The following PLXNA2 variants were observed in gnomAD, a reference collection of about 807,000 sequenced individuals.
The protein encoded by PLXNA2 is plexin-A2.
PLXNA2 carries 91 observed loss-of-function variants against 193.5 expected under a neutral mutation model. That is an observed-to-expected ratio of 0.47 (90% CI 0.40 to 0.56). The LOEUF is 0.56. PLXNA2 is among the 20% of genes least tolerant of loss of function. PLXNA2 has a pLI of 0.00. For missense variants in PLXNA2, 1,995 were observed against 2,503.2 expected (o/e 0.80, Z 4.33); for synonymous variants, 997 against 1,027.3 (o/e 0.97, Z 0.56).
chr1:208,193,178 C>G (rs528313003), intron 3 of PLXNA2, among the ~76,000 whole-genome samples: 1 of 152,314 alleles, frequency 6.6e-6, no homozygotes, highest in East Asian at 1.9e-4. Flanking sequence ...GAAACCCAGA[C>G]AGTCCTGGCA....
At chr1:208,179,446 G>A (rs1007066662) in intron 3 of PLXNA2, among the ~76,000 whole-genome samples, 9 of 152,096 alleles carry the variant, frequency 5.9e-5, no homozygotes, top group Non-Finnish European at 8.8e-5. Flanking sequence ...CCCTTCTGCC[G>A]GACCTGTCCT....
chr1:208,198,123 G>A (rs1467344795), intron 3 of PLXNA2, among the ~76,000 whole-genome samples: 1 of 152,130 alleles, frequency 6.6e-6, no homozygotes, highest in African/African-American at 2.4e-5. Flanking sequence ...AGAATCAAAG[G>A]CATCAGGCAT....
intron 12 of PLXNA2, among the ~76,000 whole-genome samples, chr1:208,070,707 T>C (rs1665949666): frequency 6.6e-6 from 1 of 152,232 alleles, no homozygotes; most frequent in Non-Finnish European, 1.5e-5. Flanking sequence ...TTATCAGACC[T>C]CATAGTGCTT....
chr1:208,149,014 A>C (rs1668677491), intron 3 of PLXNA2, among the ~76,000 whole-genome samples: 1 of 152,252 alleles, frequency 6.6e-6, no homozygotes, highest in Admixed American at 6.5e-5. Flanking sequence ...TTGAGCGCTC[A>C]ACATCACTCT....
Position 208,243,945 on chromosome 1 carries a change from T to A in PLXNA2, c.-383A>T, listed in dbSNP as rs1367906996. ...GGCACCCGGAGGCGCCGAGGGGGCG[T>A]GTGGGGGCGGCCGGCGGTGTCTCTC... On this transcript the variant is annotated 5_prime_UTR_variant, in exon 1 of 32. Transcript: ENST00000367033. The A allele has an allele frequency of 1.3e-5, 2 of 152,044 alleles. No homozygotes were observed. Among genetic ancestry groups the A allele is most frequent in the Non-Finnish European group, 2.9e-5 (2 of 68,114 alleles). 9.4% of individuals were successfully genotyped at this position (152,044 alleles called of 1,614,324 possible).
At chr1:208,118,462 A>G (rs1667705905) in intron 4 of PLXNA2, among the ~76,000 whole-genome samples, 1 of 152,218 alleles carries the variant, frequency 6.6e-6, no homozygotes, top group African/African-American at 2.4e-5. Context: ...TGCTGAAGAT[A>G]AGGCTGCAGT....
At chr1:208,163,277 G>A (rs1219713837) in intron 3 of PLXNA2, among the ~76,000 whole-genome samples, 3 of 152,158 alleles carry the variant, frequency 2.0e-5, no homozygotes, top group Non-Finnish European at 2.9e-5. Flanking sequence ...TACAAGCTGC[G>A]GAGAGCCATT....
intron 12 of PLXNA2, among the ~76,000 whole-genome samples, chr1:208,074,665 G>A (rs535235818): frequency 9.9e-5 from 15 of 152,252 alleles, no homozygotes; most frequent in African/African-American, 2.4e-4. Flanking sequence ...TTTTTCTAAC[G>A]TAGAACTCCT....
intron 9 of PLXNA2, among the ~76,000 whole-genome samples, chr1:208,089,957 C>T (rs1009674529): frequency 1.3e-5 from 2 of 152,124 alleles, no homozygotes; most frequent in African/African-American, 4.8e-5. Flanking sequence ...CTCAAATTTT[C>T]AGGGATGGGG....
rs2102313899 is a variant in PLXNA2 at position 208,039,497 on chromosome 1, C to G, written c.4500+124G>C. On this transcript the variant is annotated intron_variant, in intron 24 of 31. Transcript: ENST00000367033. Reference sequence around the variant, plus strand: ...TTGGTACACTTAGTTGTCCTTTGGGCTCACCCCAGACCAGCCTCCCATCCT... The same window carrying G: ...TTGGTACACTTAGTTGTCCTTTGGGGTCACCCCAGACCAGCCTCCCATCCT... The G allele has an allele frequency of 2.2e-6, 3 of 1,355,668 alleles. No homozygotes were observed. The East Asian group carries it at 6.9e-5, about 31-fold the overall frequency. 84.0% of individuals were successfully genotyped at this position (1,355,668 alleles called of 1,614,324 possible). A position where few individuals can be genotyped will look rare whatever the true frequency, so the allele number is the denominator to read the frequency against.
intron 5 of PLXNA2, among the ~76,000 whole-genome samples, chr1:208,100,379 G>A (rs1323464283): frequency 1.3e-5 from 2 of 152,002 alleles, no homozygotes; most frequent in African/African-American, 4.8e-5. Context: ...AGGAGGAGGA[G>A]GATGATAATA....
chr1:208,080,815 C>T (rs1406528564), intron 11 of PLXNA2, among the ~76,000 whole-genome samples: 1 of 152,210 alleles, frequency 6.6e-6, no homozygotes, highest in South Asian at 2.1e-4. Context: ...TCCTTCCCTC[C>T]ACTTCACAGA....
In PLXNA2 at chr1:208,220,545, G is replaced by C. The variant is rs140460187; in HGVS notation, c.-80-2543C>G. Among the ~76,000 whole-genome samples, 135 of 151,774 alleles carry C rather than the reference G, an allele frequency of 8.9e-4. 1 individual carries two copies. In the East Asian group the frequency reaches 0.025, roughly 28 times the overall value. On this transcript the variant is annotated intron_variant, in intron 1 of 31. Transcript: ENST00000367033. The stretch of plus-strand genomic sequence containing the variant: ...CCTCCCTGGTTCAAGCGATTCTGCT[G>C]CCTCAGCCTCCACAGTAGATGGGAC...
chr1:208,217,307 C>A lies in PLXNA2; in HGVS notation c.616G>T (p.Asp206Tyr). The A allele has an allele frequency of 6.2e-7, 1 of 1,614,160 alleles. No homozygotes were observed. Among genetic ancestry groups the A allele is most frequent in the Admixed American group, 1.7e-5 (1 of 60,024 alleles). ...PTLSSRKLPR[D>Y]PESSAMLDYE... is the part of the protein sequence containing the mutation. ...TCGAGCATGGCTGAGGACTCAGGGT[C>A]TCGGGGCAGCTTCCGGCTGGACAGG... The change falls in exon 2 of 32, where the codon GAC becomes TAC. Residue 206 changes from aspartate to tyrosine, a missense_variant. Transcript: ENST00000367033. This position sits in a 1 kb window ranked among gnomAD's most constrained non-coding sequence, Gnocchi z 4.7.
chr1:208,033,282 A>G, intron 28 of PLXNA2, 37 bp downstream of exon 28: 6 of 1,575,862 alleles, frequency 3.8e-6, no homozygotes, highest in Non-Finnish European at 5.2e-6. Context: ...GTGCTCCTTT[A>G]ACAAGCACTC....
At chr1:208,083,729 T>G (rs1364910541) in intron 10 of PLXNA2, among the ~76,000 whole-genome samples, 1 of 152,142 alleles carries the variant, frequency 6.6e-6, no homozygotes, top group Non-Finnish European at 1.5e-5. Context: ...GGGGTTAGTA[T>G]TATAATTAAA....
chr1:208,137,046 T>C (rs1361503202), intron 4 of PLXNA2, among the ~76,000 whole-genome samples: 2 of 152,182 alleles, frequency 1.3e-5, no homozygotes, highest in Non-Finnish European at 2.9e-5. Context: ...TAAGTGTCTA[T>C]GGAATGGAGG....
intron 11 of PLXNA2, among the ~76,000 whole-genome samples, chr1:208,080,478 T>A (rs1045006600): frequency 4.6e-5 from 7 of 152,202 alleles, no homozygotes; most frequent in Non-Finnish European, 1.0e-4. Flanking sequence ...AAAAGTCATT[T>A]TTCCACTCTT....
chr1:208,124,474 T>A lies in PLXNA2; in HGVS notation c.1506+17855A>T, dbSNP rs1053190068. Among the ~76,000 whole-genome samples, 4 of 149,854 alleles carry A rather than the reference T, an allele frequency of 2.7e-5. No individual in the cohort carries two copies. In the East Asian group the frequency reaches 6.0e-4, roughly 22 times the overall value. ...CGGGCAGATCACCTGAGGTCAGGAG[T>A]TCAAGGCCAGCCTGGCCAACATGGC... On this transcript the variant is annotated intron_variant, in intron 4 of 31. Transcript: ENST00000367033.
Sources: gnomAD v4.1 joint callset for allele counts (sites outside exome capture counted in the v4.1 genomes callset) on GRCh38, gnomAD v4.1.1 for gene constraint, Gnocchi (gnomAD v3.1) non-coding constraint, MANE v1.5 for transcripts, NCBI Gene and HGNC (gene_info 2026-07-23, HGNC 2026-07-21) for gene names.